BIN2: variants seen among roughly 807,000 people sequenced by gnomAD.
BIN2 encodes bridging integrator 2.
BIN2 carries 43 observed loss-of-function variants against 67.9 expected under a neutral mutation model. That is an observed-to-expected ratio of 0.63 (90% CI 0.50 to 0.82). BIN2 has a LOEUF of 0.82. BIN2 is among the 40% of genes least tolerant of loss of function. The pLI is 0.00. For missense variants in BIN2, 581 were observed against 671.6 expected, an observed-to-expected ratio of 0.87 and a Z score of 1.49; for synonymous variants, 244 against 246.8, an observed-to-expected ratio of 0.99 and a Z score of 0.11.
Position 51,303,070 on chromosome 12 carries a change from C to T in BIN2, c.217+17G>A. On this transcript the variant is annotated intron_variant, in intron 3 of 12. Transcript: ENST00000615107. ...TGTATAAATGCCCTCTGGATTCTCC[C>T]ATGCTGCATTGCCCACCTTTGACTG... The T allele has an allele frequency of 6.2e-7, 1 of 1,613,404 alleles. No individual in the cohort carries two copies. The highest frequency in any genetic ancestry group is 1.1e-5 in the South Asian group (1 of 91,066).
intron 12 of BIN2, among the ~76,000 whole-genome samples, chr12:51,283,388 G>T (rs6580821): frequency 0.82 from 124,997 of 152,096 alleles, 52,571 homozygotes; most frequent in East Asian, 0.94. Flanking sequence ...TTGTGGTAGT[G>T]CCCTGAAGAC....
At chr12:51,308,560 C>T (rs1189230281) in intron 2 of BIN2, among the ~76,000 whole-genome samples, 1 of 152,102 alleles carries the variant, frequency 6.6e-6, no homozygotes, top group Non-Finnish European at 1.5e-5. Context: ...GGCTCAGACA[C>T]TCAGCAAAAC....
At chr12:51,319,674 TTGG>T (rs1301755854) in intron 1 of BIN2, among the ~76,000 whole-genome samples, 1 of 152,138 alleles carries the variant, frequency 6.6e-6, no homozygotes, top group Non-Finnish European at 1.5e-5. Flanking sequence ...ACGTTAACAC[TTGG>T]TGAATCTGCA....
intron 2 of BIN2, among the ~76,000 whole-genome samples, chr12:51,303,477 G>A (rs1426539193): frequency 6.6e-6 from 1 of 152,076 alleles, no homozygotes; most frequent in Non-Finnish European, 1.5e-5. Flanking sequence ...CCTCCTCTCT[G>A]GGTAAAGTGC....
At chr12:51,290,307 T>C (rs543426522) in intron 10 of BIN2, among the ~76,000 whole-genome samples, 55 of 151,562 alleles carry the variant, frequency 3.6e-4, no homozygotes, top group African/African-American at 1.2e-3. Flanking sequence ...GTATTTTTAA[T>C]GGAGACAGGG....
At chr12:51,313,216 A>AAGGCAGGCAGGC (rs1555172214) in intron 2 of BIN2, among the ~76,000 whole-genome samples, 1 of 91,642 alleles carries the variant, frequency 1.1e-5, no homozygotes, top group Non-Finnish European at 2.9e-5. Flanking sequence ...GGAAGGAAGG[A>AAGGCAGGCAGGC]AGGAAGGCAG....
chr12:51,287,049 T>TG (rs1050509163), intron 11 of BIN2, among the ~76,000 whole-genome samples: 6 of 152,040 alleles, frequency 3.9e-5, no homozygotes, highest in African/African-American at 1.4e-4. Flanking sequence ...CTTAGACTCC[T>TG]GGGGTCAAGT....
intron 9 of BIN2, among the ~76,000 whole-genome samples, chr12:51,293,800 A>G (rs1390891284): frequency 1.3e-5 from 2 of 152,190 alleles, no homozygotes; most frequent in South Asian, 2.1e-4. Flanking sequence ...TATACTCATG[A>G]GCTTGTAAGA....
chr12:51,305,752 C>A (rs1347159542), intron 2 of BIN2, among the ~76,000 whole-genome samples: 1 of 150,418 alleles, frequency 6.6e-6, no homozygotes, highest in African/African-American at 2.4e-5. Flanking sequence ...TTTAGGTCTA[C>A]TTGGTCAAAT....
Position 51,296,261 on chromosome 12 carries a change from C to T in BIN2, c.679-383G>A, listed in dbSNP as rs190183273. 3.0e-3 allele frequency among the ~76,000 whole-genome samples: 460 copies of T among 152,158 alleles called. 10 individuals are homozygous for T. The highest frequency in any genetic ancestry group is 2.7e-3 in the Non-Finnish European group (183 of 67,982). On this transcript the variant is annotated intron_variant, in intron 8 of 12. Coordinates refer to ENST00000615107, the MANE Select transcript of BIN2 (RefSeq NM_016293.4). ...CCTGTAATCCCAGCACTTTGGGAGG[C>T]CGAGGTGGGCGGATCACGAGGTCAG...
intron 10 of BIN2, 40 bp downstream of exon 10, chr12:51,291,551 A>T (rs754137533): frequency 1.6e-5 from 25 of 1,521,870 alleles, no homozygotes; most frequent in South Asian, 1.3e-4. Context: ...TTAAATAAAT[A>T]AATTAATTAA....
At position 51,297,203 on chromosome 12, in the gene BIN2, C is replaced by T. The variant is rs763992036; in HGVS notation, c.603-39G>A. The T allele has an allele frequency of 1.1e-5, 18 of 1,566,512 alleles. No homozygotes were observed. The South Asian group carries it at 1.9e-4, about 16-fold the overall frequency. On this transcript the variant is annotated intron_variant, in intron 7 of 12. Transcript: ENST00000615107. ...AAACCACAAACACATACGAGTAAGGCATGGGAAAGGAGTTCTTTGTTTGAA... is the reference window on the plus strand; with the variant it reads ...AAACCACAAACACATACGAGTAAGGTATGGGAAAGGAGTTCTTTGTTTGAA...
intron 11 of BIN2, among the ~76,000 whole-genome samples, 180 bp from the exon 12 acceptor site, chr12:51,284,967 T>C (rs1473867093): frequency 1.3e-5 from 2 of 152,216 alleles, no homozygotes; most frequent in Non-Finnish European, 2.9e-5. Flanking sequence ...TCATCCATCC[T>C]CTTTTACAGA....
chr12:51,311,123 G>A (rs1446942453), intron 2 of BIN2, among the ~76,000 whole-genome samples: 1 of 149,870 alleles, frequency 6.7e-6, no homozygotes, highest in South Asian at 2.1e-4. Flanking sequence ...TTGAGACAGG[G>A]TCTTGCTCTG....
chr12:51,324,250 CGCCCCTCA>C (rs1246292797), upstream of BIN2: 47 of 1,431,052 alleles, frequency 3.3e-5, no homozygotes, highest in Non-Finnish European at 3.9e-5. Flanking sequence ...CCCTGAGGCC[CGCCCCTCA>C]GCCCACCACT....
intron 12 of BIN2, among the ~76,000 whole-genome samples, chr12:51,283,158 G>A (rs184107060): frequency 4.6e-5 from 7 of 151,534 alleles, no homozygotes; most frequent in Admixed American, 3.9e-4. Context: ...TCAGGAGGCT[G>A]AGGCAGGAGA....
rs780296457 is a variant in BIN2 at position 51,302,037 on chromosome 12, G to A, written c.391C>T (p.Gln131Ter). 1.2e-6 allele frequency: 2 copies of A among 1,612,846 alleles called. No individual in the cohort carries two copies. Among genetic ancestry groups the A allele is most frequent in the African/African-American group, 2.7e-5 (2 of 74,994 alleles). Residue 131 changes from glutamine to a stop codon, truncating the protein, a stop_gained, in exon 5 of 13, where the codon CAG becomes TAG. Coordinates refer to ENST00000615107, the MANE Select transcript of BIN2 (RefSeq NM_016293.4). LOFTEE classifies it high-confidence loss of function. ...TTGAGTACCTTAATTTCACTGAACT[G>A]GGCAACATAGATTTCCATGGTCCTT... ...AVRTMEIYVA[Q>*]FSEIKERIAK...
chr12:51,289,921 A>T (rs1945339216), intron 10 of BIN2, among the ~76,000 whole-genome samples: 1 of 151,946 alleles, frequency 6.6e-6, no homozygotes, highest in Admixed American at 6.6e-5. Flanking sequence ...CAGAGAAGAC[A>T]CACCCTGGAA....
At chr12:51,301,971 AC>A (rs754550135) in intron 5 of BIN2, 48 bp downstream of exon 5, 1 of 1,304,404 alleles carries the variant, frequency 7.7e-7, no homozygotes, top group Non-Finnish European at 1.1e-6. Context: ...ATGTTCTCTA[AC>A]CTGGATGGGT....
Sources: allele counts gnomAD v4.1 joint callset (sites outside exome capture counted in the v4.1 genomes callset), GRCh38; gene constraint gnomAD v4.1.1; transcripts MANE v1.5; gene names NCBI Gene and HGNC (gene_info 2026-07-23, HGNC 2026-07-21).